GMDS: variants seen among roughly 807,000 people sequenced by gnomAD.
The protein encoded by GMDS is GDP-mannose 4,6 dehydratase.
In GMDS, 20 loss-of-function variants were observed where a neutral mutation model predicts 49.9. The ratio of observed to expected loss-of-function variants is 0.40; its 90% CI spans 0.28 to 0.58. The LOEUF (loss-of-function observed/expected upper bound fraction) is 0.58, where lower values mean the gene tolerates loss of function less well. GMDS is among the 20% of genes least tolerant of loss of function. The probability of loss-of-function intolerance (pLI) is 0.42; values close to 1 mark genes in which losing one functional copy is unlikely to be tolerated. For missense variants in GMDS, 362 were observed against 481.4 expected (o/e 0.75, Z 2.32); for synonymous variants, 177 against 178.6 (o/e 0.99, Z 0.07).
At chr6:1,691,878 G>T (rs549751070) in intron 9 of GMDS, among the ~76,000 whole-genome samples, 1 of 152,114 alleles carries the variant, frequency 6.6e-6, no homozygotes, top group African/African-American at 2.4e-5. Context: ...GTTGGGATTT[G>T]TGGTGGTTAA....
At chr6:2,111,942 C>T (rs994033172) in intron 4 of GMDS, among the ~76,000 whole-genome samples, 4 of 152,148 alleles carry the variant, frequency 2.6e-5, no homozygotes, top group African/African-American at 9.7e-5. Flanking sequence ...CCATGGAGAG[C>T]CCTGGAGAGG....
intron 4 of GMDS, among the ~76,000 whole-genome samples, chr6:1,964,699 T>C (rs1466908117): frequency 1.3e-5 from 2 of 152,218 alleles, no homozygotes; most frequent in South Asian, 2.1e-4. Flanking sequence ...TTTTTTATTA[T>C]ACTTTAAGTT....
chr6:1,950,252 T>A (rs1763274296), intron 6 of GMDS, among the ~76,000 whole-genome samples: 1 of 152,232 alleles, frequency 6.6e-6, no homozygotes, highest in Admixed American at 6.5e-5. Flanking sequence ...AGTGAACCCT[T>A]CACACTAATA....
intron 4 of GMDS, among the ~76,000 whole-genome samples, chr6:2,031,676 CAG>C (rs988776325): frequency 3.3e-5 from 5 of 152,138 alleles, no homozygotes; most frequent in Non-Finnish European, 7.4e-5. Context: ...AAGTAAAAAA[CAG>C]AGGTAGGAAA....
At chr6:2,128,585 G>C (rs1163589869) in intron 1 of GMDS, among the ~76,000 whole-genome samples, 1 of 152,078 alleles carries the variant, frequency 6.6e-6, no homozygotes, top group Non-Finnish European at 1.5e-5. Flanking sequence ...ACAAAGCCAG[G>C]ACTAGAATCC....
chr6:1,652,948 C>G (rs868623990), intron 9 of GMDS, among the ~76,000 whole-genome samples: 7 of 149,472 alleles, frequency 4.7e-5, no homozygotes, highest in Admixed American at 1.4e-4. Context: ...ATGTCCCTCT[C>G]GATCCCTCAG....
intron 7 of GMDS, among the ~76,000 whole-genome samples, chr6:1,870,688 A>G (rs2113802188): frequency 6.6e-6 from 1 of 152,354 alleles, no homozygotes; most frequent in South Asian, 2.1e-4. Flanking sequence ...TAGAATAATT[A>G]CTTTTGTTAC....
chr6:1,981,736 G>A (rs972914139), intron 4 of GMDS, among the ~76,000 whole-genome samples: 2 of 152,056 alleles, frequency 1.3e-5, no homozygotes, highest in Non-Finnish European at 2.9e-5. Context: ...AAAACTTCAG[G>A]CCAATATCCT....
chr6:2,163,674 A>G (rs1169680223), intron 1 of GMDS, among the ~76,000 whole-genome samples: 1 of 152,230 alleles, frequency 6.6e-6, no homozygotes, highest in Non-Finnish European at 1.5e-5. Flanking sequence ...TTACTTGTTA[A>G]GAGGGTCAAC....
intron 9 of GMDS, among the ~76,000 whole-genome samples, chr6:1,695,524 TG>T (rs1765307877): frequency 6.6e-6 from 1 of 152,238 alleles, no homozygotes; most frequent in African/African-American, 2.4e-5. Flanking sequence ...ACAGATTTTC[TG>T]TATGTTATAT....
intron 7 of GMDS, among the ~76,000 whole-genome samples, chr6:1,743,503 A>T (rs926045806): frequency 9.4e-5 from 13 of 138,402 alleles, no homozygotes; most frequent in South Asian, 2.6e-4. Context: ...AGATCGCGCC[A>T]CTGCACTCCA....
chr6:2,075,850 T>A (rs1339081808), intron 4 of GMDS, among the ~76,000 whole-genome samples: 1 of 152,250 alleles, frequency 6.6e-6, no homozygotes, highest in Non-Finnish European at 1.5e-5. Flanking sequence ...CCACAATGGT[T>A]GAACTAGTTC....
Position 1,635,379 on chromosome 6 carries a change from A to G in GMDS, c.988-10839T>C, listed in dbSNP as rs2113164365. On this transcript the variant is annotated intron_variant, in intron 9 of 10. Transcript: ENST00000380815. The surrounding 1 kb of genome is among the most constrained non-coding windows in gnomAD (Gnocchi z 4.7). ...TTAAGGCAAGCTGTGTCCACTGCGC[A>G]ACCAACATGGCCCACTTTCATCCTC... Among the ~76,000 whole-genome samples, 1 of 152,334 alleles carries G rather than the reference A, an allele frequency of 6.6e-6. No individual in the cohort carries two copies. The highest frequency in any genetic ancestry group is 1.9e-4 in the East Asian group (1 of 5,180).
intron 7 of GMDS, among the ~76,000 whole-genome samples, chr6:1,871,346 T>TAGAGA (rs143941465): frequency 0.029 from 4,365 of 152,284 alleles, 203 homozygotes; most frequent in African/African-American, 0.099. Context: ...AGTAGGTCAT[T>TAGAGA]AAATAGTGAA....
intron 1 of GMDS, among the ~76,000 whole-genome samples, chr6:2,207,938 T>A (rs1020201424): frequency 1.3e-5 from 2 of 151,978 alleles, no homozygotes; most frequent in Non-Finnish European, 2.9e-5. Flanking sequence ...ATATATATGT[T>A]TGCCAAGTTA....
At chr6:2,056,250 T>C (rs984748749) in intron 4 of GMDS, among the ~76,000 whole-genome samples, 2 of 152,202 alleles carry the variant, frequency 1.3e-5, no homozygotes, top group African/African-American at 4.8e-5. Context: ...ATCCCTAATT[T>C]TCAAGTGAAG....
chr6:1,753,242 C>T (rs1264624531), intron 7 of GMDS, among the ~76,000 whole-genome samples: 1 of 152,076 alleles, frequency 6.6e-6, no homozygotes, highest in Non-Finnish European at 1.5e-5. Context: ...GGGTGCAATC[C>T]TAGTCTCTGA....
chr6:2,157,237 G>A (rs1450835567), intron 1 of GMDS, among the ~76,000 whole-genome samples: 1 of 152,182 alleles, frequency 6.6e-6, no homozygotes, highest in African/African-American at 2.4e-5. Flanking sequence ...GCAGGGGCCA[G>A]AGACTCTGCA....
At chr6:1,777,927 A>G (rs1561797868) in intron 7 of GMDS, among the ~76,000 whole-genome samples, 1 of 152,128 alleles carries the variant, frequency 6.6e-6, no homozygotes, top group Non-Finnish European at 1.5e-5. Flanking sequence ...ATGACCTTAC[A>G]CCCCAAATAA....
Sources: gnomAD v4.1 joint callset for allele counts (sites outside exome capture counted in the v4.1 genomes callset) on GRCh38, gnomAD v4.1.1 for gene constraint, Gnocchi (gnomAD v3.1) non-coding constraint, MANE v1.5 for transcripts, NCBI Gene and HGNC (gene_info 2026-07-23, HGNC 2026-07-21) for gene names.